C12orf50: variants seen among roughly 807,000 people sequenced by gnomAD.
The protein encoded by C12orf50 is zinc finger CCCH-type containing 11D.
In C12orf50, 35 loss-of-function variants were observed where a neutral mutation model predicts 61.6. The observed-to-expected ratio is 0.57, with a 90% CI of 0.43 to 0.75. The LOEUF is 0.75. C12orf50 is among the 30% of genes least tolerant of loss of function. C12orf50 has a pLI of 0.00. For missense variants in C12orf50, 475 were observed against 488.5 expected (o/e 0.97, Z 0.26); for synonymous variants, 178 against 161.5 (o/e 1.10, Z -0.77).
At chr12:87,999,226 C>G (rs1048462879) in intron 3 of C12orf50, among the ~76,000 whole-genome samples, 1 of 152,042 alleles carries the variant, frequency 6.6e-6, no homozygotes, top group Non-Finnish European at 1.5e-5. Context: ...TAAATAAGAT[C>G]CAGCCTGGGC....
intron 3 of C12orf50, among the ~76,000 whole-genome samples, chr12:88,004,935 T>C (rs773474264): frequency 2.6e-5 from 4 of 152,122 alleles, no homozygotes; most frequent in African/African-American, 9.7e-5. Context: ...TCAGGTACTA[T>C]GCTTATAACC....
intron 3 of C12orf50, among the ~76,000 whole-genome samples, chr12:88,005,911 G>GTTTTTTT (rs1491516748): frequency 4.5e-5 from 5 of 110,024 alleles, no homozygotes; most frequent in African/African-American, 2.0e-4. Context: ...TTGTTTTTTT[G>GTTTTTTT]GTTTTTTTTT....
chr12:88,016,688 T>A (rs949442779), intron 3 of C12orf50, among the ~76,000 whole-genome samples: 4 of 152,154 alleles, frequency 2.6e-5, no homozygotes, highest in Non-Finnish European at 4.4e-5. Flanking sequence ...CTGGCCACTA[T>A]GTGAGAGCCA....
chr12:87,987,802 T>C (rs564580820), intron 9 of C12orf50, 48 bp downstream of exon 9: 1 of 1,185,872 alleles, frequency 8.4e-7, no homozygotes, highest in South Asian at 1.3e-5. Flanking sequence ...AAATCCATGG[T>C]AAGACAAATA....
Position 87,985,783 on chromosome 12 carries a change from C to A in C12orf50, c.1126+67G>T, listed in dbSNP as rs768179291. Reference sequence around the variant, plus strand: ...TAAGTAGTAGTGAAGTTTAGCCAAGCTGTCAAGAAATTCCATGGGAATGCA... The same window carrying A: ...TAAGTAGTAGTGAAGTTTAGCCAAGATGTCAAGAAATTCCATGGGAATGCA... On this transcript the variant is annotated intron_variant, in intron 11 of 12. Coordinates refer to ENST00000298699, the MANE Select transcript of C12orf50 (RefSeq NM_152589.3). The A allele has an allele frequency of 2.0e-6, 3 of 1,525,536 alleles. No homozygotes were observed. The African/African-American group carries it at 4.1e-5, about 21-fold the overall frequency. 94.5% of individuals were successfully genotyped at this position (1,525,536 alleles called of 1,614,324 possible).
chr12:87,987,711 T>C, intron 9 of C12orf50, 139 bp downstream of exon 9: 1 of 620,212 alleles, frequency 1.6e-6, no homozygotes, highest in South Asian at 2.0e-5. Context: ...TAGAGGATAT[T>C]GTGTCTTTAA....
intron 3 of C12orf50, among the ~76,000 whole-genome samples, chr12:88,000,574 C>A (rs938593562): frequency 2.0e-5 from 3 of 151,842 alleles, no homozygotes; most frequent in Admixed American, 2.0e-4. Context: ...TCAATTTCTG[C>A]AAATAGGTCC....
intron 3 of C12orf50, among the ~76,000 whole-genome samples, chr12:88,021,128 GAAGT>G (rs2032501312): frequency 6.6e-6 from 1 of 152,054 alleles, no homozygotes; most frequent in Non-Finnish European, 1.5e-5. Flanking sequence ...AAGAACTAGA[GAAGT>G]AAGAGAAAAC....
intron 3 of C12orf50, among the ~76,000 whole-genome samples, chr12:88,007,517 C>G (rs2031930739): frequency 6.6e-6 from 1 of 152,144 alleles, no homozygotes; most frequent in African/African-American, 2.4e-5. Context: ...TCCCTGCTTC[C>G]AAGATGGTGC....
Position 87,996,657 on chromosome 12 carries a change from T to C in C12orf50, c.290-11A>G, listed in dbSNP as rs2031410736. 3 of 1,573,582 alleles carry C rather than the reference T, an allele frequency of 1.9e-6. No homozygotes were observed. In the East Asian group the frequency reaches 6.7e-5, roughly 35 times the overall value. On this transcript the variant is annotated splice_polypyrimidine_tract_variant and intron_variant, in intron 4 of 12. Coordinates refer to ENST00000298699, the MANE Select transcript of C12orf50 (RefSeq NM_152589.3). ...ATAAACTAGAAGCATCTATAGGATA[T>C]AGATTTTTTAAATTAAATTGTCCCA...
At chr12:88,019,321 T>G (rs1186303866) in intron 3 of C12orf50, among the ~76,000 whole-genome samples, 1 of 152,188 alleles carries the variant, frequency 6.6e-6, no homozygotes, top group Non-Finnish European at 1.5e-5. Flanking sequence ...AGACGTGACT[T>G]TCTCCTCCTA....
Position 88,008,725 on chromosome 12 carries a change from T to C in C12orf50, c.134-10535A>G, listed in dbSNP as rs144329250. 1.1e-4 allele frequency among the ~76,000 whole-genome samples: 16 copies of C among 152,272 alleles called. No homozygotes were observed. The East Asian group carries it at 3.1e-3, about 29-fold the overall frequency. ...TCACAAAGCCAACACCTAAGTCATG[T>C]AATAATAGCCTCCTAAACATCCTCT... On this transcript the variant is annotated intron_variant, in intron 3 of 12. Coordinates refer to ENST00000298699, the MANE Select transcript of C12orf50 (RefSeq NM_152589.3).
At chr12:88,014,118 TA>T (rs944789484) in intron 3 of C12orf50, among the ~76,000 whole-genome samples, 2 of 152,138 alleles carry the variant, frequency 1.3e-5, no homozygotes, top group Non-Finnish European at 2.9e-5. Flanking sequence ...CTATAAAATA[TA>T]AAAAACTTTA....
In C12orf50 at chr12:87,990,808, C is replaced by G. The variant is rs369838077; in HGVS notation, c.593-1437G>C. On this transcript the variant is annotated intron_variant, in intron 7 of 12. Coordinates refer to ENST00000298699, the MANE Select transcript of C12orf50 (RefSeq NM_152589.3). ...TGAGGGGGAAATGAAAAAAGAAGAA[C>G]AACAAAGAAGTTCCTCTGAAATAGG... Among the ~76,000 whole-genome samples the G allele has an allele frequency of 2.8e-4, 42 of 152,130 alleles. No homozygotes were observed. The East Asian group carries it at 4.6e-3, about 17-fold the overall frequency.
intron 11 of C12orf50, chr12:87,983,440 G>A (rs1396438440): frequency 1.7e-5 from 4 of 228,854 alleles, no homozygotes; most frequent in African/African-American, 2.3e-5. Context: ...TGTGCACAAT[G>A]TGCAGGTTAG....
Position 88,003,970 on chromosome 12 carries a change from A to G in C12orf50, c.134-5780T>C, listed in dbSNP as rs965653915. Among the ~76,000 whole-genome samples, 8 of 150,948 alleles carry G rather than the reference A, an allele frequency of 5.3e-5. No individual in the cohort carries two copies. In the East Asian group the frequency reaches 1.2e-3, roughly 22 times the overall value. On this transcript the variant is annotated intron_variant, in intron 3 of 12. Transcript: ENST00000298699. Reference sequence around the variant, plus strand: ...ATTTATTTTTCTCTTGATTTTTCAGATTGTATAATCTCCGTTGATTTATCT... The same window carrying G: ...ATTTATTTTTCTCTTGATTTTTCAGGTTGTATAATCTCCGTTGATTTATCT...
chr12:87,989,369 C>CGGG lies in C12orf50; in HGVS notation c.594_595insCCC (p.Gly198_Gly199insPro), dbSNP rs745390347. 1 of 1,608,102 alleles carries CGGG rather than the reference C, an allele frequency of 6.2e-7. No individual in the cohort carries two copies. The highest frequency in any genetic ancestry group is 8.5e-7 in the Non-Finnish European group (1 of 1,175,908). On this transcript the variant is annotated inframe_insertion and splice_region_variant, in exon 8 of 13. Coordinates refer to ENST00000298699, the MANE Select transcript of C12orf50 (RefSeq NM_152589.3). ...ACCCTCTGTGGAACATAACAGTCAC[C>CGGG]TCCTATGACAAAACCTTACTGTCAG... is the stretch of plus-strand genomic sequence containing the variant.
At chr12:88,029,162 G>A in intron 1 of C12orf50, 178 bp downstream of exon 1, 5 of 1,004,868 alleles carry the variant, frequency 5.0e-6, no homozygotes, top group Admixed American at 3.0e-5. Context: ...TTTTTTTTTT[G>A]AAAAATATAT....
At chr12:88,026,708 A>G in intron 2 of C12orf50, 100 bp from the exon 3 acceptor site, 1 of 1,455,276 alleles carries the variant, frequency 6.9e-7, no homozygotes, top group Non-Finnish European at 9.3e-7. Flanking sequence ...AAACAATTAT[A>G]GTTAACTGAT....
Sources: allele counts gnomAD v4.1 joint callset (sites outside exome capture counted in the v4.1 genomes callset), GRCh38; gene constraint gnomAD v4.1.1; transcripts MANE v1.5; gene names NCBI Gene and HGNC (gene_info 2026-07-23, HGNC 2026-07-21).